Variants in TMEM135 observed in about 807,000 individuals in gnomAD.
TMEM135 encodes the protein peroxisomal membrane protein 52.
Under a neutral mutation model 60.3 loss-of-function variants are expected in TMEM135, and 30 were observed. The ratio of observed to expected loss-of-function variants is 0.50; its 90% CI spans 0.37 to 0.68. The LOEUF is 0.68. TMEM135 is among the 30% of genes least tolerant of loss of function. The probability of loss-of-function intolerance (pLI) is 0.00; values close to 1 mark genes in which losing one functional copy is unlikely to be tolerated. For missense variants in TMEM135, 468 were observed against 548.8 expected, an observed-to-expected ratio of 0.85 and a Z score of 1.47; for synonymous variants, 190 against 186.7, an observed-to-expected ratio of 1.02 and a Z score of -0.14.
intron 4 of TMEM135, among the ~76,000 whole-genome samples, chr11:87,140,107 G>A (rs184535894): frequency 1.1e-3 from 173 of 151,388 alleles, no homozygotes; most frequent in African/African-American, 3.9e-3. Flanking sequence ...TCACTCTGTC[G>A]CCCAGGCTGC....
At chr11:87,237,263 G>A (rs80008827) in intron 6 of TMEM135, among the ~76,000 whole-genome samples, 17 of 152,052 alleles carry the variant, frequency 1.1e-4, no homozygotes, top group East Asian at 1.9e-4. Flanking sequence ...TGCCATCTTC[G>A]TATAATCCCA....
intron 4 of TMEM135, among the ~76,000 whole-genome samples, chr11:87,147,316 G>A (rs916202113): frequency 4.6e-5 from 7 of 152,088 alleles, no homozygotes; most frequent in Admixed American, 1.3e-4. Flanking sequence ...AAGCAAGACT[G>A]TCTCAAAAAA....
intron 4 of TMEM135, among the ~76,000 whole-genome samples, chr11:87,101,227 A>G (rs1857450520): frequency 1.3e-5 from 2 of 152,234 alleles, no homozygotes; most frequent in South Asian, 4.1e-4. Flanking sequence ...TGGGGCTAGT[A>G]TGCCAGAACC....
At chr11:87,273,084 T>G (rs1373631493) in intron 6 of TMEM135, among the ~76,000 whole-genome samples, 1 of 152,136 alleles carries the variant, frequency 6.6e-6, no homozygotes, top group African/African-American at 2.4e-5. Context: ...TTATTCTCAG[T>G]GATTTTATTT....
At chr11:87,039,128 T>A (rs1403336254) in intron 1 of TMEM135, among the ~76,000 whole-genome samples, 1 of 152,212 alleles carries the variant, frequency 6.6e-6, no homozygotes, top group African/African-American at 2.4e-5. Flanking sequence ...TATTTCTCAT[T>A]GAAGTAATTT....
chr11:87,061,945 C>T (rs1949951106), intron 1 of TMEM135, among the ~76,000 whole-genome samples: 1 of 152,140 alleles, frequency 6.6e-6, no homozygotes, highest in South Asian at 2.1e-4. Context: ...CTGCTTATTG[C>T]TGCCTGTCTT....
chr11:87,079,902 C>T (rs4944666), intron 3 of TMEM135, among the ~76,000 whole-genome samples: 77,796 of 142,518 alleles, frequency 0.55, 21,913 homozygotes, highest in East Asian at 0.71. Flanking sequence ...AGTGCAGTGG[C>T]GTGATCTCGG....
chr11:87,289,699 G>A (rs966058573), intron 6 of TMEM135, among the ~76,000 whole-genome samples: 1 of 151,874 alleles, frequency 6.6e-6, no homozygotes, highest in Non-Finnish European at 1.5e-5. Context: ...CAGGTAATCC[G>A]CCCGCCTTGG....
chr11:87,265,214 A>G (rs1941724921), intron 6 of TMEM135, among the ~76,000 whole-genome samples: 1 of 151,992 alleles, frequency 6.6e-6, no homozygotes, highest in Admixed American at 6.6e-5. Context: ...CTAGAAGCCA[A>G]GATTTTTAGT....
intron 4 of TMEM135, among the ~76,000 whole-genome samples, chr11:87,132,354 AATT>A (rs1027229535): frequency 1.3e-5 from 2 of 152,112 alleles, no homozygotes; most frequent in African/African-American, 4.8e-5. Context: ...TGTTTTTAAA[AATT>A]ATTATTGTTA....
chr11:87,305,345 C>T (rs528823506), intron 8 of TMEM135, among the ~76,000 whole-genome samples: 16 of 152,086 alleles, frequency 1.1e-4, no homozygotes, highest in African/African-American at 2.2e-4. Context: ...TTCTCCAGTC[C>T]GTATTCAAGT....
chr11:87,060,598 C>A (rs1034410688), intron 1 of TMEM135, among the ~76,000 whole-genome samples: 2 of 152,038 alleles, frequency 1.3e-5, no homozygotes, highest in East Asian at 3.9e-4. Flanking sequence ...CTGCCTGTAT[C>A]AGTCACCTTG....
chr11:87,317,615 A>C (rs1942755164), intron 12 of TMEM135, among the ~76,000 whole-genome samples: 1 of 152,124 alleles, frequency 6.6e-6, no homozygotes, highest in South Asian at 2.1e-4. Context: ...TAATTTAAAA[A>C]GAGTCAGATT....
At chr11:87,220,659 T>G in intron 5 of TMEM135, among the ~76,000 whole-genome samples, 1 of 152,168 alleles carries the variant, frequency 6.6e-6, no homozygotes, top group East Asian at 1.9e-4. Context: ...GAGAGAATGT[T>G]CTACATGTTT....
chr11:87,249,922 A>C (rs1247438015), intron 6 of TMEM135, among the ~76,000 whole-genome samples: 1 of 152,098 alleles, frequency 6.6e-6, no homozygotes, highest in South Asian at 2.1e-4. Context: ...CAGTGAAACT[A>C]TCAGGTTCTG....
At chr11:87,295,878 T>A in intron 7 of TMEM135, 55 bp downstream of exon 7, 4 of 1,375,262 alleles carry the variant, frequency 2.9e-6, no homozygotes, top group Non-Finnish European at 4.1e-6. Flanking sequence ...ACTTAAAAAA[T>A]TATACATAAT....
intron 6 of TMEM135, 81 bp from the exon 7 acceptor site, chr11:87,295,701 C>A: frequency 8.1e-7 from 1 of 1,231,134 alleles, no homozygotes; most frequent in Non-Finnish European, 1.2e-6. Context: ...TCTTTTAAAA[C>A]ATTATTTTCA....
chr11:87,265,722 A>C (rs1387797935), intron 6 of TMEM135, among the ~76,000 whole-genome samples: 1 of 152,102 alleles, frequency 6.6e-6, no homozygotes, highest in Non-Finnish European at 1.5e-5. Flanking sequence ...ATAGGATGCC[A>C]AATTATCTCT....
chr11:87,307,542 T>C (rs1475639450), intron 9 of TMEM135, among the ~76,000 whole-genome samples: 1 of 152,048 alleles, frequency 6.6e-6, no homozygotes, highest in Admixed American at 6.6e-5. Flanking sequence ...AAATTTGGCG[T>C]GGGGAAGGTG....
Sources: gnomAD v4.1 joint callset for allele counts (sites outside exome capture counted in the v4.1 genomes callset) on GRCh38, gnomAD v4.1.1 for gene constraint, MANE v1.5 for transcripts, NCBI Gene and HGNC (gene_info 2026-07-23, HGNC 2026-07-21) for gene names.